The following TMX3 variants were observed in gnomAD, a reference collection of about 807,000 sequenced individuals.
TMX3 encodes thioredoxin related transmembrane protein 3.
TMX3 carries 40 observed loss-of-function variants against 64.4 expected under a neutral mutation model. The ratio of observed to expected loss-of-function variants is 0.62; its 90% CI spans 0.48 to 0.81. TMX3 has a LOEUF of 0.81. Ranked by LOEUF, TMX3 falls within the 30% of genes least tolerant of loss-of-function variation. The pLI, the probability that TMX3 is intolerant of heterozygous loss-of-function variation, is 0.00. For missense variants in TMX3, 497 were observed against 534.5 expected (o/e 0.93, Z 0.69); for synonymous variants, 189 against 175.7 (o/e 1.08, Z -0.60).
chr18:68,714,770 G>T (rs1377824895), intron 1 of TMX3, among the ~76,000 whole-genome samples, 166 bp downstream of exon 1: 1 of 152,244 alleles, frequency 6.6e-6, no homozygotes, highest in African/African-American at 2.4e-5. Flanking sequence ...CGCTCCGTCA[G>T]GGCCAGGCAG....
At chr18:68,708,451 CTAT>C (rs138925204) in intron 4 of TMX3, among the ~76,000 whole-genome samples, 5,464 of 152,202 alleles carry the variant, frequency 0.036, 220 homozygotes, top group African/African-American at 0.1. Context: ...GAATCTCACA[CTAT>C]TATTGTTTTC....
In TMX3 at chr18:68,673,839, T is replaced by TG. The variant is rs1186721245; in HGVS notation, c.*3093dup. 5.3e-5 allele frequency: 8 copies of TG among 152,142 alleles called. No individual in the cohort carries two copies. Among genetic ancestry groups the TG allele is most frequent in the Non-Finnish European group, 1.5e-5 (1 of 68,010 alleles). 9.4% of individuals were successfully genotyped at this position (152,142 alleles called of 1,614,324 possible). On this transcript the variant is annotated 3_prime_UTR_variant, in exon 16 of 16. Coordinates refer to ENST00000299608, the MANE Select transcript of TMX3 (RefSeq NM_019022.5). ...TAGAAAATTATTTTTTGCCCACTCT[T>TG]GGACTCAGACACATTCAGAAAAAAT...
rs745382439 is a variant in TMX3 at position 68,700,433 on chromosome 18, T to C, written c.364A>G (p.Ile122Val). ...NYRGPRTKDD[I>V]IEFAHRVSGA... ...GATACTCTGTGAGCAAACTCAATAATATCATCTTTTGTTCGTGGTCCTCTA... is the reference window on the plus strand; with the variant it reads ...GATACTCTGTGAGCAAACTCAATAACATCATCTTTTGTTCGTGGTCCTCTA... Residue 122 changes from isoleucine (I) to valine (V), a missense_variant, in exon 6 of 16, where the codon ATT becomes GTT. Ile to Val is a conservative substitution (Grantham distance 29). Transcript: ENST00000299608. 1.3e-6 allele frequency: 2 copies of C among 1,582,094 alleles called. No homozygotes were observed. The highest frequency in any genetic ancestry group is 1.8e-5 in the Admixed American group (1 of 55,692).
At chr18:68,712,326 T>C (rs1329576751) in intron 2 of TMX3, among the ~76,000 whole-genome samples, 3 of 152,166 alleles carry the variant, frequency 2.0e-5, no homozygotes, top group African/African-American at 4.8e-5. Flanking sequence ...CTGGACAGTA[T>C]TGTTAGCCTT....
chr18:68,679,371 C>A, intron 15 of TMX3, 92 bp downstream of exon 15: 1 of 976,166 alleles, frequency 1.0e-6, no homozygotes, highest in Non-Finnish European at 1.5e-6. Context: ...CATATTTTGA[C>A]CTAATCTTTT....
intron 13 of TMX3, 134 bp downstream of exon 13, chr18:68,682,791 A>T: frequency 3.3e-6 from 2 of 613,908 alleles, no homozygotes; most frequent in Non-Finnish European, 5.2e-6. Context: ...TAAAATATTT[A>T]ATGGGAGAAT....
In TMX3 at chr18:68,681,557, G is replaced by A. The variant is rs968970576; in HGVS notation, c.906-447C>T. On this transcript the variant is annotated intron_variant, in intron 13 of 15. Coordinates refer to ENST00000299608, the MANE Select transcript of TMX3 (RefSeq NM_019022.5). ...CTCTTAAGTTCTTACTGAAATGAGAGGGATAATAAATGAAGTAAGGTGATG... is the reference window on the plus strand; with the variant it reads ...CTCTTAAGTTCTTACTGAAATGAGAAGGATAATAAATGAAGTAAGGTGATG... The A allele has an allele frequency of 1.1e-5, 11 of 984,794 alleles. No individual in the cohort carries two copies. In the African/African-American group the frequency reaches 1.4e-4, roughly 13 times the overall value. The allele number at this position is 984,794 out of a possible 1,614,324, so 61.0% of individuals were successfully genotyped here. A position where few individuals can be genotyped will look rare whatever the true frequency, so the allele number is the denominator to read the frequency against.
chr18:68,678,827 A>G (rs1283741643), intron 15 of TMX3, among the ~76,000 whole-genome samples: 1 of 152,132 alleles, frequency 6.6e-6, no homozygotes, highest in African/African-American at 2.4e-5. Flanking sequence ...ACACTGGGAC[A>G]AACAAATGAA....
intron 8 of TMX3, among the ~76,000 whole-genome samples, chr18:68,692,101 A>G (rs765616956): frequency 1.3e-5 from 2 of 152,210 alleles, no homozygotes; most frequent in Non-Finnish European, 2.9e-5. Context: ...AAAATAATAC[A>G]GAATTATTTG....
chr18:68,709,036 T>C (rs2145136142), intron 4 of TMX3, among the ~76,000 whole-genome samples: 1 of 152,278 alleles, frequency 6.6e-6, no homozygotes, highest in South Asian at 2.1e-4. Flanking sequence ...GTACTTCCAC[T>C]TTCTTCACTA....
In TMX3 at chr18:68,687,651, T is replaced by G. The variant is rs773462420; in HGVS notation, c.736+16A>C. 2.5e-6 allele frequency: 4 copies of G among 1,597,488 alleles called. No homozygotes were observed. The South Asian group carries it at 4.5e-5, about 18-fold the overall frequency. On this transcript the variant is annotated intron_variant, in intron 10 of 15. Transcript: ENST00000299608. Reference sequence around the variant, plus strand: ...AATCATGTAACATAATGGAGACTTGTACATATGCTTGTTACCTGTGTCTCC... The same window carrying G: ...AATCATGTAACATAATGGAGACTTGGACATATGCTTGTTACCTGTGTCTCC...
chr18:68,701,032 A>T (rs2030009434), intron 5 of TMX3: 2 of 983,962 alleles, frequency 2.0e-6, no homozygotes, highest in Admixed American at 6.2e-5. Flanking sequence ...TTTAAAAAGG[A>T]AAAATTGGGA....
At chr18:68,697,512 C>T (rs1915211078) in intron 7 of TMX3, 4 of 392,944 alleles carry the variant, frequency 1.0e-5, no homozygotes, top group Non-Finnish European at 1.8e-5. Context: ...TATCTTTCTG[C>T]AAATAAAGTT....
Position 68,677,072 on chromosome 18 carries a change from C to G in TMX3, c.1226G>C (p.Arg409Pro). 1 of 1,613,788 alleles carries G rather than the reference C, an allele frequency of 6.2e-7. No individual in the cohort carries two copies. The highest frequency in any genetic ancestry group is 1.7e-5 in the Admixed American group (1 of 59,986). ...ATTTTCACTTTTAGACACTTCATAT[C>G]GTTCTTCTATATAACCTCCATCTGT... ...ADTDGGYIEE[R>P]YEVSKSENEN... The change falls in exon 16 of 16, where the codon CGA becomes CCA. Residue 409 changes from arginine (R) to proline (P), a missense_variant. By Grantham distance (103) the Arg-to-Pro change is moderately radical (BLOSUM62 -2). This residue lies in a region of TMX3 where 94 missense variants were observed against 75.8 expected (regional missense o/e 1.24). Coordinates refer to ENST00000299608, the MANE Select transcript of TMX3 (RefSeq NM_019022.5).
chr18:68,680,824 C>T (rs751694159), intron 14 of TMX3, among the ~76,000 whole-genome samples, 157 bp downstream of exon 14: 2 of 152,164 alleles, frequency 1.3e-5, no homozygotes, highest in Non-Finnish European at 2.9e-5. Context: ...TGTACCTCTA[C>T]TCTGCCTATA....
At chr18:68,702,175 CAAAAAAAAAAAA>C (rs375234012) in intron 4 of TMX3, among the ~76,000 whole-genome samples, 1 of 44,036 alleles carries the variant, frequency 2.3e-5, no homozygotes, top group Non-Finnish European at 4.5e-5. Flanking sequence ...TTACTCCTCT[CAAAAAAAAAAAA>C]AAAAAAAAAA....
intron 8 of TMX3, among the ~76,000 whole-genome samples, chr18:68,692,430 A>C (rs1914616905): frequency 6.6e-6 from 1 of 152,148 alleles, no homozygotes; most frequent in Non-Finnish European, 1.5e-5. Flanking sequence ...TCTGCATGTC[A>C]ATCTCCTTCA....
chr18:68,682,855 TA>T (rs1913569972), intron 13 of TMX3, 69 bp downstream of exon 13: 2 of 1,376,702 alleles, frequency 1.5e-6, no homozygotes, highest in African/African-American at 2.9e-5. Flanking sequence ...TTAATCCTTC[TA>T]CCTGTATCTC....
At chr18:68,703,192 AC>A (rs1466156313) in intron 4 of TMX3, among the ~76,000 whole-genome samples, 4 of 152,136 alleles carry the variant, frequency 2.6e-5, no homozygotes, top group Non-Finnish European at 5.9e-5. Flanking sequence ...ATTTTTAATG[AC>A]CCCTTTCCAA....
Sources: allele counts gnomAD v4.1 joint callset (sites outside exome capture counted in the v4.1 genomes callset), GRCh38; gene constraint gnomAD v4.1.1; regional missense constraint gnomAD v4.1.1; transcripts MANE v1.5; gene names NCBI Gene and HGNC (gene_info 2026-07-23, HGNC 2026-07-21).